GFRA2: variants seen among roughly 807,000 people sequenced by gnomAD.
GFRA2 encodes GDNF family receptor alpha 2.
A neutral mutation model predicts 48.3 loss-of-function variants in GFRA2; 17 were observed. The ratio of observed to expected loss-of-function variants is 0.35; its 90% confidence interval spans 0.24 to 0.53. The LOEUF (loss-of-function observed/expected upper bound fraction) is 0.53. Among genes scored for constraint, GFRA2 ranks in the 20% least tolerant of loss-of-function variants. The pLI is 0.93. For missense variants in GFRA2, 660 were observed against 637.3 expected, an observed-to-expected ratio of 1.04 and a Z score of -0.38; for synonymous variants, 305 against 257.2, an observed-to-expected ratio of 1.19 and a Z score of -1.78.
At chr8:21,762,091 T>C (rs1438541640) in intron 3 of GFRA2, among the ~76,000 whole-genome samples, 1 of 152,154 alleles carries the variant, frequency 6.6e-6, no homozygotes, top group Non-Finnish European at 1.5e-5. Context: ...CTACACACTA[T>C]GTGGCAAAAG....
chr8:21,753,451 T>C (rs1339442200), intron 3 of GFRA2, among the ~76,000 whole-genome samples: 4 of 152,038 alleles, frequency 2.6e-5, no homozygotes, highest in Non-Finnish European at 5.9e-5. Context: ...CTACTAAAAA[T>C]ATAAAAATTA....
chr8:21,755,284 C>A (rs2117614982), intron 3 of GFRA2, among the ~76,000 whole-genome samples: 5 of 152,054 alleles, frequency 3.3e-5, no homozygotes, highest in African/African-American at 1.2e-4. Context: ...TAGAGGGATG[C>A]TGATAGTTGA....
At chr8:21,726,464 T>C (rs1224712306) in intron 4 of GFRA2, among the ~76,000 whole-genome samples, 2 of 152,144 alleles carry the variant, frequency 1.3e-5, no homozygotes, top group East Asian at 3.9e-4. Context: ...CACAAGTTTG[T>C]TCTCTCACAG....
intron 2 of GFRA2, among the ~76,000 whole-genome samples, chr8:21,804,196 A>ACATG (rs1807818413): frequency 7.9e-6 from 1 of 127,372 alleles, no homozygotes; most frequent in Non-Finnish European, 1.5e-5. Context: ...TTACATACAT[A>ACATG]CATGCACACA....
At position 21,750,090 on chromosome 8, in the gene GFRA2, C is replaced by T. The variant is rs368464782; in HGVS notation, c.794+498G>A. Among the ~76,000 whole-genome samples the T allele has an allele frequency of 1.7e-3, 233 of 136,614 alleles. No individual in the cohort carries two copies. Among genetic ancestry groups the T allele is most frequent in the African/African-American group, 6.5e-3 (214 of 33,070 alleles). The allele number at this position is 136,614 out of a possible 152,430, so 89.6% of individuals were successfully genotyped here. On this transcript the variant is annotated intron_variant, in intron 4 of 8. Transcript: ENST00000524240. The surrounding 1 kb of genome is among the most constrained non-coding windows in gnomAD (Gnocchi z 5.7). ...GTATATATGTGTGTGTGTGTGTATA[C>T]ACACACACACACACACACACGCACA... is the stretch of plus-strand genomic sequence containing the variant.
intron 7 of GFRA2, among the ~76,000 whole-genome samples, chr8:21,700,965 G>T (rs1007331638): frequency 6.6e-6 from 1 of 152,154 alleles, no homozygotes; most frequent in African/African-American, 2.4e-5. Flanking sequence ...CAAGCTAGGG[G>T]AGCTGAGAGA....
chr8:21,723,007 C>T (rs935285229), intron 4 of GFRA2, among the ~76,000 whole-genome samples: 1 of 152,246 alleles, frequency 6.6e-6, no homozygotes, highest in South Asian at 2.1e-4. Context: ...GAGGCAGTCA[C>T]TGGGTCCCTC....
At chr8:21,763,632 T>A (rs1231594315) in intron 3 of GFRA2, among the ~76,000 whole-genome samples, 1 of 152,036 alleles carries the variant, frequency 6.6e-6, no homozygotes, top group Non-Finnish European at 1.5e-5. Context: ...TGCTGAAAGG[T>A]TGACATCACA....
chr8:21,713,438 C>T (rs1378867766), intron 4 of GFRA2, among the ~76,000 whole-genome samples: 1 of 152,046 alleles, frequency 6.6e-6, no homozygotes, highest in East Asian at 1.9e-4. Flanking sequence ...TCAAGTGATC[C>T]ACCCACCTTG....
At chr8:21,731,161 C>T (rs1585267257) in intron 4 of GFRA2, among the ~76,000 whole-genome samples, 1 of 152,168 alleles carries the variant, frequency 6.6e-6, no homozygotes, top group Non-Finnish European at 1.5e-5. Flanking sequence ...CCCAGCGTCA[C>T]GTGGCGAGGT....
rs551186438 is a variant in GFRA2, at chr8:21,806,289, A to T, written c.-147-1161T>A. Among the ~76,000 whole-genome samples the T allele has an allele frequency of 2.6e-5, 4 of 152,344 alleles. No homozygotes were observed. In the South Asian group the frequency reaches 8.3e-4, roughly 32 times the overall value. On this transcript the variant is annotated intron_variant, in intron 1 of 10. Transcript: ENST00000517328. The stretch of plus-strand genomic sequence containing the variant: ...TAGAAACTACTTCCAATATGCATGC[A>T]ACCATTCTGTTGTTCACTTCCAGAA...
intron 4 of GFRA2, among the ~76,000 whole-genome samples, chr8:21,729,784 G>A (rs1467296649): frequency 1.3e-5 from 2 of 152,092 alleles, no homozygotes; most frequent in Non-Finnish European, 2.9e-5. Context: ...GGGCTTCTCA[G>A]AGTCACCAGA....
chr8:21,721,974 C>T (rs1166997557), intron 4 of GFRA2, among the ~76,000 whole-genome samples: 2 of 152,224 alleles, frequency 1.3e-5, no homozygotes, highest in African/African-American at 4.8e-5. Flanking sequence ...ATCTGGGCAG[C>T]TATGCCACCA....
chr8:21,793,482 G>A (rs371714868), upstream of GFRA2, among the ~76,000 whole-genome samples: 6 of 152,154 alleles, frequency 3.9e-5, no homozygotes, highest in African/African-American at 7.2e-5. Context: ...CCAGCCTAGC[G>A]GCTCAGCCTT....
At chr8:21,693,486 C>CG (rs1208351547) in intron 8 of GFRA2, 86 bp from the exon 9 acceptor site, 2 of 1,311,670 alleles carry the variant, frequency 1.5e-6, no homozygotes, top group African/African-American at 3.0e-5. Context: ...GGCAGAGAAA[C>CG]GGACTCAGGA....
intron 4 of GFRA2, among the ~76,000 whole-genome samples, chr8:21,724,942 TCCTGGACACTGGCACAGTC>T (rs977296339): frequency 5.3e-5 from 8 of 152,172 alleles, no homozygotes; most frequent in African/African-American, 1.4e-4. Context: ...GTCCTCTAGT[TCCTGGACACTGGCACAGTC>T]CCTGGACACC....
intron 4 of GFRA2, among the ~76,000 whole-genome samples, chr8:21,718,611 A>C (rs151279363): frequency 7.9e-5 from 12 of 152,314 alleles, no homozygotes; most frequent in African/African-American, 2.6e-4. Flanking sequence ...AGAAGGCAGG[A>C]GCTATGTCCC....
chr8:21,765,193 C>T (rs1806096913), intron 3 of GFRA2, among the ~76,000 whole-genome samples: 1 of 152,126 alleles, frequency 6.6e-6, no homozygotes. Context: ...CTCACTGCCA[C>T]CTTGACCTCA....
rs768617429 is a variant in GFRA2, at chr8:21,745,145, G to A, written c.794+5443C>T. ...ATGCAGAGCCTGCTAAATCTCACAC[G>A]GGTGACGGACAAGGCCTGCCACGCA... is the stretch of plus-strand genomic sequence containing the variant. On this transcript the variant is annotated intron_variant, in intron 4 of 8. Coordinates refer to ENST00000524240, the MANE Select transcript of GFRA2 (RefSeq NM_001495.5). 5.3e-5 allele frequency among the ~76,000 whole-genome samples: 8 copies of A among 152,242 alleles called. No homozygotes were observed. The East Asian group carries it at 5.8e-4, about 11-fold the overall frequency.
Sources: gnomAD v4.1 joint callset for allele counts (sites outside exome capture counted in the v4.1 genomes callset) on GRCh38, gnomAD v4.1.1 for gene constraint, Gnocchi (gnomAD v3.1) non-coding constraint, MANE v1.5 for transcripts, NCBI Gene and HGNC (gene_info 2026-07-23, HGNC 2026-07-21) for gene names.